GALNTL6: variants seen among roughly 807,000 people sequenced by gnomAD.
GALNTL6 encodes the protein polypeptide N-acetylgalactosaminyltransferase-like 6.
Under a neutral mutation model 73.7 loss-of-function variants are expected in GALNTL6, and 46 were observed. The observed-to-expected ratio is 0.62, with a 90% CI of 0.49 to 0.80. The LOEUF is 0.80. Among genes scored for constraint, GALNTL6 ranks in the 30% least tolerant of loss-of-function variants. The pLI is 0.00. For missense variants in GALNTL6, 604 were observed against 755.0 expected (o/e 0.80, Z 2.34); for synonymous variants, 259 against 263.7 (o/e 0.98, Z 0.17).
intron 2 of GALNTL6, among the ~76,000 whole-genome samples, chr4:172,175,118 T>A (rs960822860): frequency 6.6e-6 from 1 of 150,500 alleles, no homozygotes; most frequent in African/African-American, 2.5e-5. Flanking sequence ...ACTCTGTCAC[T>A]CAGGCTGGAG....
chr4:172,974,478 G>A (rs778157615), intron 10 of GALNTL6, among the ~76,000 whole-genome samples: 2 of 152,158 alleles, frequency 1.3e-5, no homozygotes, highest in Non-Finnish European at 2.9e-5. Context: ...AATGCTTACT[G>A]TAATTAGTTT....
intron 2 of GALNTL6, among the ~76,000 whole-genome samples, chr4:172,077,882 G>C (rs1731750504): frequency 6.6e-6 from 1 of 152,102 alleles, no homozygotes; most frequent in South Asian, 2.1e-4. Context: ...ATGGTGTTAT[G>C]GGCCAGGCCC....
At chr4:172,332,679 A>G (rs1478585716) in intron 4 of GALNTL6, among the ~76,000 whole-genome samples, 5 of 152,136 alleles carry the variant, frequency 3.3e-5, no homozygotes, top group East Asian at 3.9e-4. Context: ...TATATATACT[A>G]TATTTTCATT....
At chr4:172,288,628 T>C (rs887101712) in intron 3 of GALNTL6, among the ~76,000 whole-genome samples, 1 of 152,178 alleles carries the variant, frequency 6.6e-6, no homozygotes, top group African/African-American at 2.4e-5. Context: ...TGGAAGCATA[T>C]ATGTTTTCAT....
At chr4:172,132,225 C>T (rs1315561477) in intron 2 of GALNTL6, among the ~76,000 whole-genome samples, 1 of 152,004 alleles carries the variant, frequency 6.6e-6, no homozygotes, top group Admixed American at 6.6e-5. Context: ...TGTGCAGTGC[C>T]AAATGTTGAT....
chr4:172,302,068 G>T (rs148252461), intron 3 of GALNTL6, among the ~76,000 whole-genome samples: 1,928 of 152,306 alleles, frequency 0.013, 22 homozygotes, highest in Non-Finnish European at 0.02. Flanking sequence ...CTCAGCAATG[G>T]CGGGCACCCC....
intron 2 of GALNTL6, among the ~76,000 whole-genome samples, chr4:171,874,630 G>T: frequency 6.6e-6 from 1 of 152,126 alleles, no homozygotes; most frequent in East Asian, 1.9e-4. Flanking sequence ...GAGACACCTG[G>T]TCCAGCCATA....
chr4:172,646,642 T>C (rs1411530045), intron 5 of GALNTL6, among the ~76,000 whole-genome samples: 3 of 152,064 alleles, frequency 2.0e-5, no homozygotes, highest in Non-Finnish European at 4.4e-5. Context: ...ACATTTACAC[T>C]AATCCCTTGT....
intron 2 of GALNTL6, among the ~76,000 whole-genome samples, chr4:171,993,729 T>C (rs1480651589): frequency 2.6e-5 from 4 of 151,762 alleles, no homozygotes; most frequent in African/African-American, 7.3e-5. Context: ...TAATGGGTTT[T>C]ACAGTATGAA....
At position 171,844,225 on chromosome 4, in the gene GALNTL6, T is replaced by C. The variant is rs368751428; in HGVS notation, c.138+29507T>C. Among the ~76,000 whole-genome samples the C allele has an allele frequency of 3.9e-5, 6 of 152,288 alleles. No homozygotes were observed. In the East Asian group the frequency reaches 9.7e-4, roughly 25 times the overall value. On this transcript the variant is annotated intron_variant, in intron 2 of 12. Transcript: ENST00000506823. ...TCAGTGGCTGGGGCCAGTCCTTGAT[T>C]TGGAGGATGAAACTCAGGGTCATTA...
intron 5 of GALNTL6, among the ~76,000 whole-genome samples, chr4:172,782,242 G>T (rs1333359448): frequency 2.6e-5 from 4 of 152,114 alleles, no homozygotes; most frequent in African/African-American, 9.7e-5. Flanking sequence ...ATATGCATAA[G>T]CACTGATAGA....
At chr4:172,799,979 C>G (rs924346351) in intron 5 of GALNTL6, among the ~76,000 whole-genome samples, 1 of 152,074 alleles carries the variant, frequency 6.6e-6, no homozygotes, top group Non-Finnish European at 1.5e-5. Flanking sequence ...CATGGATGAA[C>G]CTTGAGGACA....
chr4:172,448,593 ACTGTCCCCT>A (rs1732107416), intron 5 of GALNTL6, among the ~76,000 whole-genome samples: 1 of 152,212 alleles, frequency 6.6e-6, no homozygotes, highest in Non-Finnish European at 1.5e-5. Context: ...CACACAGTCT[ACTGTCCCCT>A]CTATTCGCTA....
chr4:172,216,001 A>G (rs1291572742), intron 2 of GALNTL6, among the ~76,000 whole-genome samples: 1 of 152,036 alleles, frequency 6.6e-6, no homozygotes, highest in Non-Finnish European at 1.5e-5. Context: ...GCTGCCATTC[A>G]TTTTATCTGT....
At chr4:172,960,510 G>C (rs1749990175) in intron 10 of GALNTL6, among the ~76,000 whole-genome samples, 1 of 152,150 alleles carries the variant, frequency 6.6e-6, no homozygotes, top group African/African-American at 2.4e-5. Flanking sequence ...TGTAGAAAAG[G>C]AAGATTAGAA....
chr4:172,485,884 G>A (rs754066339), intron 5 of GALNTL6, among the ~76,000 whole-genome samples: 2 of 152,116 alleles, frequency 1.3e-5, no homozygotes, highest in African/African-American at 2.4e-5. Context: ...AGGGATGTGC[G>A]TTGAAGGTCT....
chr4:172,993,765 A>G (rs1751646482), intron 10 of GALNTL6, among the ~76,000 whole-genome samples: 1 of 152,110 alleles, frequency 6.6e-6, no homozygotes, highest in South Asian at 2.1e-4. Flanking sequence ...GAAAGGATAA[A>G]TCTTGGCTTT....
intron 2 of GALNTL6, among the ~76,000 whole-genome samples, chr4:172,101,622 T>G (rs1173361644): frequency 6.6e-6 from 1 of 152,226 alleles, no homozygotes; most frequent in African/African-American, 2.4e-5. Context: ...CCTCTTTTTT[T>G]GTAATTATTT....
chr4:172,033,540 C>A (rs1190618826), intron 2 of GALNTL6, among the ~76,000 whole-genome samples: 1 of 151,956 alleles, frequency 6.6e-6, no homozygotes, highest in Non-Finnish European at 1.5e-5. Flanking sequence ...GGAAAACTGG[C>A]CCTCAGTTAT....
Sources: gnomAD v4.1 joint callset for allele counts (sites outside exome capture counted in the v4.1 genomes callset) on GRCh38, gnomAD v4.1.1 for gene constraint, MANE v1.5 for transcripts, NCBI Gene and HGNC (gene_info 2026-07-23, HGNC 2026-07-21) for gene names.